The following NHLRC2 variants were observed in gnomAD, a reference collection of about 807,000 sequenced individuals.
NHLRC2 encodes the protein NHL repeat containing 2, also known as NHL repeat-containing protein 2.
In NHLRC2, 33 loss-of-function variants were observed where a neutral mutation model predicts 68.1. The ratio of observed to expected loss-of-function variants is 0.48; its 90% CI spans 0.37 to 0.65. NHLRC2 has a LOEUF of 0.65. NHLRC2 is among the 30% of genes least tolerant of loss of function. The probability of loss-of-function intolerance (pLI) is 0.00; values close to 1 mark genes in which losing one functional copy is unlikely to be tolerated. For synonymous variants in NHLRC2, 311 were observed against 309.6 expected (o/e 1.00, Z -0.05); for missense variants, 761 against 853.8 (o/e 0.89, Z 1.35).
intron 5 of NHLRC2, among the ~76,000 whole-genome samples, chr10:113,884,934 T>C (rs1015848563): frequency 2.0e-5 from 3 of 151,822 alleles, no homozygotes; most frequent in Non-Finnish European, 3.0e-5. Context: ...ATCTTTATTA[T>C]CTATATTAAT....
chr10:113,904,929 T>C lies in NHLRC2; in HGVS notation c.1817T>C (p.Val606Ala), dbSNP rs1485469519. The change falls in exon 10 of 11, where the codon GTG becomes GCG. Residue 606 changes from valine to alanine, a missense_variant. Coordinates refer to ENST00000369301, the MANE Select transcript of NHLRC2 (RefSeq NM_198514.4). ...GCTCCAAGCATTAGGCTTTCCCCCG[T>C]GACTGCGTGTGCTGGCCAGACTCTT... ...KSAPSIRLSPVTACAGQTLQF... is the reference protein window; with the variant it reads ...KSAPSIRLSPATACAGQTLQF... 6.2e-7 allele frequency: 1 copy of C among 1,605,310 alleles called. No individual in the cohort carries two copies. Among genetic ancestry groups the C allele is most frequent in the East Asian group, 2.2e-5 (1 of 44,746 alleles).
In NHLRC2 at chr10:113,882,652, CTTAG is replaced by C. The variant is rs372789867; in HGVS notation, c.910-1595_910-1592del. ...TCACATTTTTCTGCTTGCCTTTATA[CTTAG>C]TTAATCATGTTCTTTGATACATTGA... On this transcript the variant is annotated intron_variant, in intron 4 of 10. Transcript: ENST00000369301. 9.7e-4 allele frequency among the ~76,000 whole-genome samples: 147 copies of C among 151,748 alleles called. 2 individuals are homozygous for C. Among genetic ancestry groups the C allele is most frequent in the African/African-American group, 2.7e-3 (113 of 41,506 alleles).
intron 2 of NHLRC2, among the ~76,000 whole-genome samples, chr10:113,861,187 A>G (rs956139418): frequency 6.6e-6 from 1 of 152,182 alleles, no homozygotes; most frequent in Non-Finnish European, 1.5e-5. Context: ...GGAAGAGAAA[A>G]CAGAGCCTAA....
chr10:113,901,720 T>A lies in NHLRC2; in HGVS notation c.1194T>A (p.Asn398Lys). The A allele has an allele frequency of 6.2e-7, 1 of 1,614,146 alleles. No individual in the cohort carries two copies. Residue 398 changes from asparagine to lysine, a missense_variant, in exon 7 of 11, where the codon AAT (asparagine) becomes AAA (lysine). By Grantham distance (94) the Asn-to-Lys change is moderately conservative (BLOSUM62 0). Coordinates refer to ENST00000369301, the MANE Select transcript of NHLRC2 (RefSeq NM_198514.4). ...LRFAGSGNEENRNNAYPHKAG... is the reference protein window; with the variant it reads ...LRFAGSGNEEKRNNAYPHKAG... ...TTGCTGGAAGTGGAAATGAAGAGAATCGAAACAATGCCTATCCTCACAAGG... is the reference window on the plus strand; with the variant it reads ...TTGCTGGAAGTGGAAATGAAGAGAAACGAAACAATGCCTATCCTCACAAGG...
intron 6 of NHLRC2, among the ~76,000 whole-genome samples, chr10:113,901,418 A>G (rs901914184): frequency 6.6e-6 from 1 of 152,076 alleles, no homozygotes; most frequent in Non-Finnish European, 1.5e-5. Context: ...TTAACATTTG[A>G]AAGTGATTTC....
chr10:113,880,750 T>G (rs1034897463), intron 4 of NHLRC2, among the ~76,000 whole-genome samples: 1 of 151,974 alleles, frequency 6.6e-6, no homozygotes, highest in African/African-American at 2.4e-5. Context: ...AGACCTGGCC[T>G]ATGGTAGGTG....
rs1845728102 is a variant in NHLRC2 at position 113,854,867 on chromosome 10, G to A, written c.-6G>A. ...CCGGCGGCCGCATCGGGAGCCCGGC[G>A]GAAACATGGCGGCGCCCGGAGGCCG... On this transcript the variant is annotated 5_prime_UTR_variant, in exon 1 of 11. Transcript: ENST00000369301. The A allele has an allele frequency of 1.3e-6, 2 of 1,539,124 alleles. No homozygotes were observed. Among genetic ancestry groups the A allele is most frequent in the Non-Finnish European group, 1.8e-6 (2 of 1,142,618 alleles).
intron 5 of NHLRC2, among the ~76,000 whole-genome samples, chr10:113,887,501 G>A (rs941010474): frequency 1.3e-5 from 2 of 152,350 alleles, no homozygotes; most frequent in African/African-American, 4.8e-5. Flanking sequence ...TGGGCATGGT[G>A]GCTCATGCCT....
intron 5 of NHLRC2, among the ~76,000 whole-genome samples, chr10:113,886,208 A>T (rs1169040251): frequency 1.3e-5 from 2 of 152,130 alleles, no homozygotes; most frequent in African/African-American, 4.8e-5. Context: ...GTACACAGAA[A>T]ACTATAAAAC....
intron 1 of NHLRC2, among the ~76,000 whole-genome samples, chr10:113,856,603 TG>T (rs570083639): frequency 2.0e-5 from 3 of 152,336 alleles, no homozygotes; most frequent in African/African-American, 7.2e-5. Context: ...AACTGGGATT[TG>T]GGGAATGTTT....
At position 113,911,721 on chromosome 10, in the gene NHLRC2, G is replaced by A. The variant is rs975710595; in HGVS notation, c.*3185G>A. On this transcript the variant is annotated 3_prime_UTR_variant, in exon 11 of 11. Transcript: ENST00000369301. ...ATTTATGTCTACCAGTTAAAAATAC[G>A]ATAGTTAGATTTGGCATCACGTTTA... The A allele has an allele frequency of 1.3e-5, 2 of 152,118 alleles. No homozygotes were observed. The highest frequency in any genetic ancestry group is 1.3e-4 in the Admixed American group (2 of 15,280). The allele number at this position is 152,118 out of a possible 1,614,324, so 9.4% of individuals were successfully genotyped here.
rs77302222 is a variant in NHLRC2 at position 113,916,236 on chromosome 10, C to G, written c.*7700C>G. The G allele has an allele frequency of 1.7e-4, 26 of 152,096 alleles. No homozygotes were observed. The highest frequency in any genetic ancestry group is 3.1e-4 in the Non-Finnish European group (21 of 68,022). The allele number at this position is 152,096 out of a possible 1,614,324, so 9.4% of individuals were successfully genotyped here. ...TTGTATAGAGTTGGAATGTATTGTT[C>G]GTGCATGCCTGTGATATTCATCATC... On this transcript the variant is annotated 3_prime_UTR_variant, in exon 11 of 11. Transcript: ENST00000369301.
chr10:113,898,103 T>C lies in NHLRC2; in HGVS notation c.1040-7T>C, dbSNP rs1191389768. 1 of 1,575,592 alleles carries C rather than the reference T, an allele frequency of 6.3e-7. No homozygotes were observed. Among genetic ancestry groups the C allele is most frequent in the African/African-American group, 1.3e-5 (1 of 74,186 alleles). On this transcript the variant is annotated splice_polypyrimidine_tract_variant and splice_region_variant and intron_variant, in intron 5 of 10. Coordinates refer to ENST00000369301, the MANE Select transcript of NHLRC2 (RefSeq NM_198514.4). ...GTATATAATAATAATGATTTATTTT[T>C]ATAAAGGTTCAGAGGTCCAAAGAGG...
At position 113,854,848 on chromosome 10, in the gene NHLRC2, G is replaced by A. The variant is rs761727150; in HGVS notation, c.-25G>A. 42 of 1,530,188 alleles carry A rather than the reference G, an allele frequency of 2.7e-5. No individual in the cohort carries two copies. Among genetic ancestry groups the A allele is most frequent in the South Asian group, 1.7e-4 (14 of 82,156 alleles). 94.8% of individuals were successfully genotyped at this position (1,530,188 alleles called of 1,614,324 possible). On this transcript the variant is annotated 5_prime_UTR_variant, in exon 1 of 11. Coordinates refer to ENST00000369301, the MANE Select transcript of NHLRC2 (RefSeq NM_198514.4). ...GCGAGACTCTCCCGCGGGCCCGGCG[G>A]CCGCATCGGGAGCCCGGCGGAAACA...
intron 2 of NHLRC2, among the ~76,000 whole-genome samples, chr10:113,862,686 A>G (rs958194691): frequency 5.9e-5 from 9 of 152,230 alleles, no homozygotes; most frequent in Non-Finnish European, 1.2e-4. Context: ...CAAGAGACTC[A>G]CTTTAGATCC....
At chr10:113,880,057 C>T (rs973289919) in intron 4 of NHLRC2, among the ~76,000 whole-genome samples, 2 of 152,022 alleles carry the variant, frequency 1.3e-5, no homozygotes, top group African/African-American at 4.8e-5. Context: ...ACCATTCCTG[C>T]TTCTATTCAA....
chr10:113,908,582 A>G lies in NHLRC2; in HGVS notation c.*46A>G, dbSNP rs144046306. 6.3e-7 allele frequency: 1 copy of G among 1,596,530 alleles called. No homozygotes were observed. Among genetic ancestry groups the G allele is most frequent in the Admixed American group, 1.7e-5 (1 of 59,530 alleles). Reference sequence around the variant, plus strand: ...CCATTGCCACCACCTACTGTCTCCCATCCTGACTATCACTGTAATTTAAGG... The same window carrying G: ...CCATTGCCACCACCTACTGTCTCCCGTCCTGACTATCACTGTAATTTAAGG... On this transcript the variant is annotated 3_prime_UTR_variant, in exon 11 of 11. Transcript: ENST00000369301.
In NHLRC2 at chr10:113,913,041, A is replaced by G. The variant is rs565206961; in HGVS notation, c.*4505A>G. 7.9e-5 allele frequency: 12 copies of G among 152,376 alleles called. No homozygotes were observed. The highest frequency in any genetic ancestry group is 2.2e-4 in the African/African-American group (9 of 41,594). 9.4% of individuals were successfully genotyped at this position (152,376 alleles called of 1,614,324 possible). On this transcript the variant is annotated 3_prime_UTR_variant, in exon 11 of 11. Coordinates refer to ENST00000369301, the MANE Select transcript of NHLRC2 (RefSeq NM_198514.4). ...TCTTTCTATTTTCCAGCACTCATCT[A>G]TTAAGTGCTTTTATGTATTAACTCA... is the stretch of plus-strand genomic sequence containing the variant.
chr10:113,881,642 C>A lies in NHLRC2; in HGVS notation c.909+1947C>A, dbSNP rs567106618. On this transcript the variant is annotated intron_variant, in intron 4 of 10. Coordinates refer to ENST00000369301, the MANE Select transcript of NHLRC2 (RefSeq NM_198514.4). ...AGCAGCCATTGTGATACGTTTAATGCATGTTTTTATTTGTATGTGATCTTG... is the reference window on the plus strand; with the variant it reads ...AGCAGCCATTGTGATACGTTTAATGAATGTTTTTATTTGTATGTGATCTTG... 1.2e-3 allele frequency among the ~76,000 whole-genome samples: 189 copies of A among 151,808 alleles called. 1 individual carries two copies. Among genetic ancestry groups the A allele is most frequent in the African/African-American group, 3.9e-3 (161 of 41,512 alleles).
Sources: allele counts gnomAD v4.1 joint callset (sites outside exome capture counted in the v4.1 genomes callset), GRCh38; gene constraint gnomAD v4.1.1; transcripts MANE v1.5; gene names NCBI Gene and HGNC (gene_info 2026-07-23, HGNC 2026-07-21).